The following CEP128 variants were observed in gnomAD, a reference collection of about 807,000 sequenced individuals.
The protein encoded by CEP128 is centrosomal protein 128kDa.
Under a neutral mutation model 156.7 loss-of-function variants are expected in CEP128, and 132 were observed. That is an observed-to-expected ratio of 0.84 (90% confidence interval 0.73 to 0.97). CEP128 has a LOEUF of 0.97. Among genes scored for constraint, CEP128 ranks in the 50% least tolerant of loss-of-function variants. CEP128 has a pLI of 0.00. For missense variants in CEP128, 1,252 were observed against 1,281.9 expected (o/e 0.98, Z 0.36); for synonymous variants, 469 against 448.9 (o/e 1.04, Z -0.57).
chr14:80,849,037 AG>A (rs1413695393), intron 9 of CEP128, among the ~76,000 whole-genome samples: 1 of 152,206 alleles, frequency 6.6e-6, no homozygotes, highest in African/African-American at 2.4e-5. Context: ...CATTAGCCCC[AG>A]CAAAAGAGGA....
chr14:80,714,775 A>C (rs547272942), intron 19 of CEP128, among the ~76,000 whole-genome samples: 1 of 152,166 alleles, frequency 6.6e-6, no homozygotes, highest in Admixed American at 6.6e-5. Context: ...TCCTAAAAGC[A>C]GCAGATCAAG....
In CEP128 at chr14:80,899,978, G is replaced by C; in HGVS notation, c.532C>G (p.Leu178Val). Residue 178 changes from leucine (L) to valine (V), a missense_variant, in exon 7 of 25, where the codon CTT (leucine) becomes GTT (valine). Coordinates refer to ENST00000555265, the MANE Select transcript of CEP128 (RefSeq NM_152446.5). The part of the protein sequence containing the change: ...LRDLSSEQIR[L>V]GDDFNRELSR... ...AGCTCCCTGTTGAAATCATCTCCAA[G>C]GCGAATTTGTTCACTGCTGAGGTCT... The C allele has an allele frequency of 3.1e-6, 5 of 1,613,712 alleles. No homozygotes were observed. Among genetic ancestry groups the C allele is most frequent in the Non-Finnish European group, 4.2e-6 (5 of 1,179,786 alleles).
At chr14:80,534,996 T>C (rs61981664) in intron 21 of CEP128, among the ~76,000 whole-genome samples, 1 of 152,164 alleles carries the variant, frequency 6.6e-6, no homozygotes, top group Non-Finnish European at 1.5e-5. Context: ...TTCCACTTCA[T>C]AAAGGGCCAG....
At chr14:80,770,931 CCT>C (rs960807429) in intron 16 of CEP128, among the ~76,000 whole-genome samples, 7 of 152,112 alleles carry the variant, frequency 4.6e-5, no homozygotes, top group East Asian at 1.9e-4. Flanking sequence ...CCATCAAATA[CCT>C]CTTAGTCAAA....
rs75545164 is a variant in CEP128 at position 80,877,799 on chromosome 14, C to G, written c.646-14926G>C. ...CCCTTAAGACCAAGCTGAAGGGATG[C>G]CCCACTCCCAGGAACCCAGAGCCTT... On this transcript the variant is annotated intron_variant, in intron 8 of 24. Coordinates refer to ENST00000555265, the MANE Select transcript of CEP128 (RefSeq NM_152446.5). Among the ~76,000 whole-genome samples the G allele has an allele frequency of 6.6e-5, 10 of 152,266 alleles. No homozygotes were observed. The East Asian group carries it at 1.9e-3, about 29-fold the overall frequency.
intron 1 of CEP128, among the ~76,000 whole-genome samples, 169 bp from the exon 2 acceptor site, chr14:80,939,709 C>T (rs1241990358): frequency 6.6e-6 from 1 of 152,216 alleles, no homozygotes; most frequent in African/African-American, 2.4e-5. Context: ...CAATTCTTCA[C>T]ATCCAAGTGC....
intron 7 of CEP128, among the ~76,000 whole-genome samples, chr14:80,897,879 G>T (rs561793278): frequency 1.3e-5 from 2 of 152,264 alleles, no homozygotes; most frequent in African/African-American, 4.8e-5. Flanking sequence ...CTGGGCTCAA[G>T]CAATCCTCCC....
At chr14:80,594,850 T>A (rs183183200) in intron 19 of CEP128, among the ~76,000 whole-genome samples, 1 of 152,226 alleles carries the variant, frequency 6.6e-6, no homozygotes, top group Non-Finnish European at 1.5e-5. Context: ...TGTGCAGAAA[T>A]AGGAACACTT....
At chr14:80,620,487 A>G (rs537458059) in intron 19 of CEP128, among the ~76,000 whole-genome samples, 8 of 152,358 alleles carry the variant, frequency 5.3e-5, no homozygotes, top group Admixed American at 5.2e-4. Flanking sequence ...GGGAAAATAA[A>G]AAAGAAAAGA....
intron 19 of CEP128, among the ~76,000 whole-genome samples, chr14:80,645,086 A>G (rs566902244): frequency 6.6e-6 from 1 of 152,256 alleles, no homozygotes; most frequent in East Asian, 1.9e-4. Context: ...TTTTTCATCA[A>G]CAAGTTGAAA....
chr14:80,647,680 G>A (rs1266772199), intron 19 of CEP128, among the ~76,000 whole-genome samples: 1 of 152,050 alleles, frequency 6.6e-6, no homozygotes, highest in African/African-American at 2.4e-5. Flanking sequence ...AGGTCGTCTG[G>A]TGAATAGCGA....
At chr14:80,513,087 T>C (rs1888333428) in intron 23 of CEP128, among the ~76,000 whole-genome samples, 1 of 152,148 alleles carries the variant, frequency 6.6e-6, no homozygotes. Context: ...TCAGATGATA[T>C]AGTATTGCTT....
chr14:80,632,045 T>C (rs111979488), intron 19 of CEP128, among the ~76,000 whole-genome samples: 30 of 152,258 alleles, frequency 2.0e-4, no homozygotes, highest in African/African-American at 7.0e-4. Flanking sequence ...CTCTGAATTC[T>C]TACCAGTCAC....
At chr14:80,618,432 A>G (rs1231370212) in intron 19 of CEP128, among the ~76,000 whole-genome samples, 1 of 152,260 alleles carries the variant, frequency 6.6e-6, no homozygotes. Context: ...AGATGGCTCT[A>G]GCTACGCTAG....
At chr14:80,837,078 C>T (rs962447661) in intron 11 of CEP128, among the ~76,000 whole-genome samples, 3 of 152,222 alleles carry the variant, frequency 2.0e-5, no homozygotes, top group Non-Finnish European at 4.4e-5. Context: ...CATGTGACCA[C>T]TGGCTGCAGA....
chr14:80,811,884 C>CTT (rs1279113015), intron 13 of CEP128, among the ~76,000 whole-genome samples: 1 of 142,226 alleles, frequency 7.0e-6, no homozygotes, highest in Non-Finnish European at 1.5e-5. Context: ...AAAGCAAAAA[C>CTT]TTTATCTTTT....
At chr14:80,799,125 C>A (rs1331592770) in intron 13 of CEP128, among the ~76,000 whole-genome samples, 1 of 152,172 alleles carries the variant, frequency 6.6e-6, no homozygotes, top group Non-Finnish European at 1.5e-5. Context: ...AATCCCAGCT[C>A]TGCTATCCTG....
At chr14:80,815,126 C>T (rs1408110327) in intron 13 of CEP128, among the ~76,000 whole-genome samples, 7 of 152,092 alleles carry the variant, frequency 4.6e-5, no homozygotes, top group Admixed American at 4.6e-4. Context: ...ACAGAGTGAA[C>T]AGACAACCTG....
intron 15 of CEP128, among the ~76,000 whole-genome samples, chr14:80,781,159 G>A (rs1031410735): frequency 3.9e-5 from 6 of 152,154 alleles, no homozygotes; most frequent in Non-Finnish European, 8.8e-5. Flanking sequence ...ATGTTGGAGA[G>A]CATAAAAGGT....
Sources: gnomAD v4.1 joint callset for allele counts (sites outside exome capture counted in the v4.1 genomes callset) on GRCh38, gnomAD v4.1.1 for gene constraint, MANE v1.5 for transcripts, NCBI Gene and HGNC (gene_info 2026-07-23, HGNC 2026-07-21) for gene names.